Variants in PTPRZ1 observed in about 807,000 individuals in gnomAD.
PTPRZ1 encodes the protein receptor-type tyrosine-protein phosphatase zeta.
In PTPRZ1, 82 loss-of-function variants were observed where a neutral mutation model predicts 214.1. The observed-to-expected ratio is 0.38, with a 90% confidence interval of 0.32 to 0.46. The LOEUF is 0.46. Ranked by LOEUF, PTPRZ1 falls within the 20% of genes least tolerant of loss-of-function variation. The pLI, the probability that PTPRZ1 is intolerant of heterozygous loss-of-function variation, is 1.00. For synonymous variants in PTPRZ1, 945 were observed against 987.9 expected, an observed-to-expected ratio of 0.96 and a Z score of 0.81; for missense variants, 2,603 against 2,748.7, an observed-to-expected ratio of 0.95 and a Z score of 1.19.
At chr7:121,878,639 C>T (rs1469323935) in intron 1 of PTPRZ1, among the ~76,000 whole-genome samples, 1 of 152,130 alleles carries the variant, frequency 6.6e-6, no homozygotes, top group Non-Finnish European at 1.5e-5. Flanking sequence ...TCCCATAGTA[C>T]ATTTTCCATA....
chr7:122,031,329 G>T, intron 14 of PTPRZ1, 145 bp from the exon 15 acceptor site: 2 of 624,444 alleles, frequency 3.2e-6, no homozygotes. Flanking sequence ...GAGAAAATTG[G>T]TAATTGTTGC....
In PTPRZ1 at chr7:121,997,875, T is replaced by G; in HGVS notation, c.1114-5T>G. ...TTTGTATAATTACTAACATCTTTCT[T>G]TTAGGGTGCTATTCTCAATAATTTG... On this transcript the variant is annotated splice_region_variant and splice_polypyrimidine_tract_variant and intron_variant, in intron 9 of 29. Transcript: ENST00000393386. The G allele has an allele frequency of 6.3e-7, 1 of 1,599,560 alleles. No individual in the cohort carries two copies. Among genetic ancestry groups the G allele is most frequent in the Non-Finnish European group, 8.6e-7 (1 of 1,169,472 alleles).
intron 1 of PTPRZ1, among the ~76,000 whole-genome samples, chr7:121,916,964 C>T (rs1364000817): frequency 6.6e-6 from 1 of 152,130 alleles, no homozygotes; most frequent in Non-Finnish European, 1.5e-5. Flanking sequence ...AGATGTTAGG[C>T]AAAGAGTAGA....
At chr7:121,902,522 T>C (rs978628223) in intron 1 of PTPRZ1, among the ~76,000 whole-genome samples, 2 of 152,136 alleles carry the variant, frequency 1.3e-5, no homozygotes, top group Non-Finnish European at 2.9e-5. Flanking sequence ...TCACCAGCAT[T>C]TGTTATTTTT....
chr7:122,022,175 C>T (rs1238256632), intron 13 of PTPRZ1, among the ~76,000 whole-genome samples: 1 of 152,122 alleles, frequency 6.6e-6, no homozygotes, highest in Non-Finnish European at 1.5e-5. Flanking sequence ...TTTTAAACAG[C>T]TTAATTAGGT....
At chr7:121,981,600 G>A (rs963917867) in intron 6 of PTPRZ1, among the ~76,000 whole-genome samples, 1 of 152,222 alleles carries the variant, frequency 6.6e-6, no homozygotes, top group Non-Finnish European at 1.5e-5. Context: ...ATTGCTATTG[G>A]TAAGTGCTAT....
chr7:121,893,741 TCAC>T (rs1794707179), intron 1 of PTPRZ1, among the ~76,000 whole-genome samples: 1 of 152,216 alleles, frequency 6.6e-6, no homozygotes, highest in Non-Finnish European at 1.5e-5. Context: ...TTTCTGTTAT[TCAC>T]CATGCATTCA....
intron 15 of PTPRZ1, among the ~76,000 whole-genome samples, chr7:122,032,517 C>G (rs1212705872): frequency 6.6e-6 from 1 of 152,128 alleles, no homozygotes; most frequent in African/African-American, 2.4e-5. Context: ...ATTTTTGCTT[C>G]TCTCTCCCCT....
At chr7:121,921,779 G>GAT (rs1188093478) in intron 1 of PTPRZ1, among the ~76,000 whole-genome samples, 1 of 152,090 alleles carries the variant, frequency 6.6e-6, no homozygotes, top group Non-Finnish European at 1.5e-5. Flanking sequence ...CAAATGGCTT[G>GAT]ATATATATAC....
At chr7:122,030,482 A>G (rs532678955) in intron 14 of PTPRZ1, among the ~76,000 whole-genome samples, 12 of 152,158 alleles carry the variant, frequency 7.9e-5, no homozygotes, top group African/African-American at 2.4e-4. Context: ...AGATCCTTCT[A>G]TAAGTGTGAA....
rs183937004 is a variant in PTPRZ1 at position 121,892,317 on chromosome 7, G to A, written c.58+18760G>A. Among the ~76,000 whole-genome samples the A allele has an allele frequency of 1.6e-4, 24 of 151,922 alleles. No individual in the cohort carries two copies. In the South Asian group the frequency reaches 4.6e-3, roughly 29 times the overall value. ...ATGGTCCCTGCTTTTTTATGTTATG[G>A]CATTTAGTGTTACTGAGAAAAGAAC... On this transcript the variant is annotated intron_variant, in intron 1 of 29. Transcript: ENST00000393386.
rs548595840 is a variant in PTPRZ1, at chr7:122,016,135, T to C, written c.4843+2246T>C. On this transcript the variant is annotated intron_variant, in intron 12 of 29. Coordinates refer to ENST00000393386, the MANE Select transcript of PTPRZ1 (RefSeq NM_002851.3). The stretch of plus-strand genomic sequence containing the variant: ...TGAGTACACTGACACCCAAAGATAC[T>C]AGATTATTTGATCCAGGTCACATGA... 8.5e-5 allele frequency among the ~76,000 whole-genome samples: 13 copies of C among 152,100 alleles called. 1 individual carries two copies. The Middle Eastern group carries it at 0.01, about 119-fold the overall frequency.
intron 1 of PTPRZ1, among the ~76,000 whole-genome samples, chr7:121,895,391 A>G (rs1794757066): frequency 6.6e-6 from 1 of 152,160 alleles, no homozygotes; most frequent in Admixed American, 6.5e-5. Flanking sequence ...CAGGAAGTTG[A>G]TAGTGTTGGG....
intron 23 of PTPRZ1, among the ~76,000 whole-genome samples, chr7:122,045,651 A>C (rs528115888): frequency 1.3e-5 from 2 of 150,900 alleles, no homozygotes; most frequent in East Asian, 3.9e-4. Flanking sequence ...AAATGTAATT[A>C]AGTTGTAAAG....
At chr7:122,058,377 T>A (rs1389294628) in intron 27 of PTPRZ1, among the ~76,000 whole-genome samples, 1 of 152,058 alleles carries the variant, frequency 6.6e-6, no homozygotes, top group Non-Finnish European at 1.5e-5. Context: ...CTCCACTGTG[T>A]CATGCAATCT....
chr7:121,981,353 A>G (rs952776448), intron 6 of PTPRZ1, among the ~76,000 whole-genome samples: 4 of 152,174 alleles, frequency 2.6e-5, no homozygotes, highest in African/African-American at 4.8e-5. Flanking sequence ...AACTCCCTGG[A>G]TTATTCACAT....
intron 2 of PTPRZ1, among the ~76,000 whole-genome samples, chr7:121,942,739 T>A (rs781698132): frequency 6.6e-6 from 1 of 152,204 alleles, no homozygotes; most frequent in African/African-American, 2.4e-5. Flanking sequence ...GATTTTGGAG[T>A]TATCACTGCA....
At chr7:121,874,625 T>C (rs1793996876) in intron 1 of PTPRZ1, among the ~76,000 whole-genome samples, 1 of 152,206 alleles carries the variant, frequency 6.6e-6, no homozygotes, top group African/African-American at 2.4e-5. Context: ...CAGTAACCTT[T>C]ACAAACAGAA....
chr7:121,983,537 TA>T, intron 6 of PTPRZ1, 127 bp from the exon 7 acceptor site: 1 of 935,338 alleles, frequency 1.1e-6, no homozygotes, highest in Non-Finnish European at 1.6e-6. Context: ...AAAATATATC[TA>T]AAATGTTTCA....
Sources: gnomAD v4.1 joint callset for allele counts (sites outside exome capture counted in the v4.1 genomes callset) on GRCh38, gnomAD v4.1.1 for gene constraint, MANE v1.5 for transcripts, NCBI Gene and HGNC (gene_info 2026-07-23, HGNC 2026-07-21) for gene names.